CHN2: variants seen among roughly 807,000 people sequenced by gnomAD.
CHN2 encodes chimerin 2, also known as beta-chimaerin.
CHN2 carries 35 observed loss-of-function variants against 56.3 expected under a neutral mutation model. The ratio of observed to expected loss-of-function variants is 0.62; its 90% CI spans 0.47 to 0.82. CHN2 has a LOEUF of 0.82. Among genes scored for constraint, CHN2 ranks in the 40% least tolerant of loss-of-function variants. The pLI is 0.00. For synonymous variants in CHN2, 210 were observed against 212.8 expected, an observed-to-expected ratio of 0.99 and a Z score of 0.12; for missense variants, 491 against 580.5, an observed-to-expected ratio of 0.85 and a Z score of 1.58.
At chr7:29,329,623 G>A (rs1404980375) in intron 1 of CHN2, among the ~76,000 whole-genome samples, 2 of 152,106 alleles carry the variant, frequency 1.3e-5, no homozygotes, top group Non-Finnish European at 1.5e-5. Context: ...AGCTATTCTC[G>A]AGTCGTGTGT....
rs146373496 is a variant in CHN2 at position 29,393,737 on chromosome 7, A to G, written c.176+27A>G. 4.2e-3 allele frequency: 3,079 copies of G among 741,252 alleles called. 10 individuals carry two copies. Among genetic ancestry groups the G allele is most frequent in the Admixed American group, 5.8e-3 (207 of 35,884 alleles). 45.9% of individuals were successfully genotyped at this position (741,252 alleles called of 1,614,324 possible). ...TATGTATTATACTATTCTTTGTTTT[A>G]ATAATTTAATAAGTAGTCATTTCAT... On this transcript the variant is annotated intron_variant, in intron 4 of 12. Coordinates refer to ENST00000222792, the MANE Select transcript of CHN2 (RefSeq NM_004067.4).
At chr7:29,216,980 G>A (rs750866628) in intron 1 of CHN2, among the ~76,000 whole-genome samples, 3 of 152,118 alleles carry the variant, frequency 2.0e-5, no homozygotes, top group Admixed American at 6.5e-5. Context: ...TCTCCCCAGT[G>A]TACTAACAGT....
intron 1 of CHN2, among the ~76,000 whole-genome samples, chr7:29,341,466 C>A (rs1797049221): frequency 1.3e-5 from 2 of 152,122 alleles, no homozygotes. Flanking sequence ...CAGCACTGAG[C>A]ACTGTATCTG....
intron 1 of CHN2, among the ~76,000 whole-genome samples, chr7:29,202,742 C>T (rs533375175): frequency 6.6e-6 from 1 of 152,314 alleles, no homozygotes; most frequent in Admixed American, 6.5e-5. Flanking sequence ...TCAGTACTGG[C>T]TGGGTATTGT....
At chr7:29,281,394 G>A (rs1214943551) in intron 1 of CHN2, among the ~76,000 whole-genome samples, 2 of 152,100 alleles carry the variant, frequency 1.3e-5, no homozygotes, top group East Asian at 3.8e-4. Flanking sequence ...CCTTATTTAG[G>A]GACACTTAGG....
upstream of CHN2, among the ~76,000 whole-genome samples, chr7:29,190,934 T>C (rs1782807154): frequency 6.6e-6 from 1 of 151,356 alleles, no homozygotes; most frequent in South Asian, 2.1e-4. Context: ...GCCCCCACCA[T>C]GCTTTTTTTT....
intron 1 of CHN2, among the ~76,000 whole-genome samples, chr7:29,205,897 A>G (rs1784486486): frequency 6.6e-6 from 1 of 152,196 alleles, no homozygotes; most frequent in African/African-American, 2.4e-5. Flanking sequence ...CATAATTATT[A>G]GGAAAGCCAC....
intron 1 of CHN2, chr7:29,212,501 T>C: frequency 1.3e-6 from 2 of 1,576,728 alleles, no homozygotes; most frequent in Non-Finnish European, 1.7e-6. Flanking sequence ...CAGCCCTGAT[T>C]CTTCCACCAG....
intron 1 of CHN2, among the ~76,000 whole-genome samples, chr7:29,208,429 G>C (rs1784680074): frequency 6.6e-6 from 1 of 152,144 alleles, no homozygotes; most frequent in South Asian, 2.1e-4. Context: ...GCAACCCCTA[G>C]AGGAAGTGGG....
At chr7:29,508,141 A>G (rs950743656) in intron 11 of CHN2, among the ~76,000 whole-genome samples, 1 of 152,224 alleles carries the variant, frequency 6.6e-6, no homozygotes, top group African/African-American at 2.4e-5. Flanking sequence ...GAAGAAAAGC[A>G]AGGCTTGGAG....
chr7:29,511,312 A>ATTT (rs1462341903), intron 12 of CHN2, among the ~76,000 whole-genome samples: 1 of 152,140 alleles, frequency 6.6e-6, no homozygotes, highest in African/African-American at 2.4e-5. Flanking sequence ...AGTGCAAGTA[A>ATTT]TTTTTAGATA....
chr7:29,476,966 TC>T (rs1352158942), intron 6 of CHN2, among the ~76,000 whole-genome samples: 1 of 152,190 alleles, frequency 6.6e-6, no homozygotes, highest in Non-Finnish European at 1.5e-5. Flanking sequence ...AAGAAGACGG[TC>T]AGCAAATGTA....
intron 1 of CHN2, among the ~76,000 whole-genome samples, chr7:29,232,846 A>G (rs1035121893): frequency 6.6e-6 from 1 of 152,152 alleles, no homozygotes; most frequent in Non-Finnish European, 1.5e-5. Context: ...TGTGACAGAC[A>G]TTATTTTAAA....
chr7:29,264,511 C>G (rs1053912621), intron 1 of CHN2, among the ~76,000 whole-genome samples: 4 of 152,204 alleles, frequency 2.6e-5, no homozygotes, highest in Non-Finnish European at 4.4e-5. Context: ...TATGACCTTA[C>G]GCCCAACCCC....
At chr7:29,177,889 T>C (rs1198908465) in intron 2 of CHN2, among the ~76,000 whole-genome samples, 4 of 152,292 alleles carry the variant, frequency 2.6e-5, no homozygotes, top group Admixed American at 1.3e-4. Context: ...AGACATTTCA[T>C]AGGTGCCTCA....
intron 6 of CHN2, among the ~76,000 whole-genome samples, chr7:29,460,292 A>G (rs1191178037): frequency 6.6e-6 from 1 of 150,500 alleles, no homozygotes; most frequent in African/African-American, 2.4e-5. Context: ...TTAAGAGGGC[A>G]AGGGCAAACC....
At chr7:29,201,265 A>T (rs1784137822) in intron 1 of CHN2, among the ~76,000 whole-genome samples, 3 of 152,170 alleles carry the variant, frequency 2.0e-5, no homozygotes, top group Admixed American at 6.5e-5. Flanking sequence ...AGGAACTCAG[A>T]AACTGTCTCA....
intron 1 of CHN2, among the ~76,000 whole-genome samples, chr7:29,238,777 C>T (rs1787407299): frequency 6.6e-6 from 1 of 152,104 alleles, no homozygotes; most frequent in Non-Finnish European, 1.5e-5. Flanking sequence ...TAGTGGATAT[C>T]TGGGGAAAGA....
chr7:29,357,005 A>T (rs900743653), intron 2 of CHN2, among the ~76,000 whole-genome samples: 2 of 152,226 alleles, frequency 1.3e-5, no homozygotes, highest in South Asian at 2.1e-4. Flanking sequence ...AAGCGAAAAG[A>T]TGGCATTGGC....
Sources: allele counts gnomAD v4.1 joint callset (sites outside exome capture counted in the v4.1 genomes callset), GRCh38; gene constraint gnomAD v4.1.1; transcripts MANE v1.5; gene names NCBI Gene and HGNC (gene_info 2026-07-23, HGNC 2026-07-21).